Variants in DAB1 observed in about 807,000 individuals in gnomAD.
DAB1 encodes the protein disabled homolog 1.
DAB1 carries 15 observed loss-of-function variants against 64.6 expected under a neutral mutation model. The observed-to-expected ratio is 0.23, with a 90% CI of 0.16 to 0.36. The LOEUF is 0.36. Ranked by LOEUF, DAB1 falls within the 10% of genes least tolerant of loss-of-function variation. DAB1 has a pLI of 1.00. For missense variants in DAB1, 596 were observed against 706.7 expected, an observed-to-expected ratio of 0.84 and a Z score of 1.78; for synonymous variants, 235 against 251.9, an observed-to-expected ratio of 0.93 and a Z score of 0.64.
rs937361517 is a variant in DAB1 at position 57,054,457 on chromosome 1, A to G, written c.723+8427T>C. Among the ~76,000 whole-genome samples, 54 of 128,440 alleles carry G rather than the reference A, an allele frequency of 4.2e-4. 1 individual carries two copies. The highest frequency in any genetic ancestry group is 6.9e-4 in the Non-Finnish European group (43 of 61,948). 84.3% of individuals were successfully genotyped at this position (128,440 alleles called of 152,430 possible). ...ACGCTTAGCAGACACCTTCCTCTCCACTCAGGAATGTGCTTTTTTTTTTTT... is the reference window on the plus strand; with the variant it reads ...ACGCTTAGCAGACACCTTCCTCTCCGCTCAGGAATGTGCTTTTTTTTTTTT... On this transcript the variant is annotated intron_variant, in intron 9 of 14. Coordinates refer to ENST00000371236, the MANE Select transcript of DAB1 (RefSeq NM_001365792.1).
At chr1:57,909,604 C>G (rs931407936) in intron 5 of DAB1, among the ~76,000 whole-genome samples, 38 of 152,210 alleles carry the variant, frequency 2.5e-4, no homozygotes, top group African/African-American at 8.9e-4. Context: ...TTGCCCATTA[C>G]AGCTATCTAC....
In DAB1 at chr1:57,766,859, C is replaced by G. The variant is rs540494815; in HGVS notation, n.551+117140G>C. 2.3e-5 allele frequency among the ~76,000 whole-genome samples: 3 copies of G among 132,060 alleles called. No individual in the cohort carries two copies. The South Asian group carries it at 7.2e-4, about 32-fold the overall frequency. The allele number at this position is 132,060 out of a possible 152,430, so 86.6% of individuals were successfully genotyped here. A position where few individuals can be genotyped will look rare whatever the true frequency, so the allele number is the denominator to read the frequency against. ...ACAAATCAAGAGTTCCCACGACCCC[C>G]TTTTCAGGTTCAATAATTTGCTAGA... is the stretch of plus-strand genomic sequence containing the variant. On this transcript the variant is annotated intron_variant and non_coding_transcript_variant, in intron 6 of 20. Coordinates refer to the DAB1 transcript ENST00000485760.
intron 5 of DAB1, among the ~76,000 whole-genome samples, chr1:58,038,630 C>A (rs1046914102): frequency 6.6e-6 from 1 of 151,118 alleles, no homozygotes; most frequent in South Asian, 2.1e-4. Context: ...GAGACCTGCC[C>A]TGATGGGGTG....
chr1:58,147,864 G>A (rs1050496743), intron 5 of DAB1, among the ~76,000 whole-genome samples: 2 of 150,186 alleles, frequency 1.3e-5, no homozygotes, highest in Non-Finnish European at 2.9e-5. Context: ...GAAGATTGGA[G>A]ATATTAAATT....
chr1:58,312,811 T>C (rs1176100794), intron 4 of DAB1, among the ~76,000 whole-genome samples: 1 of 152,180 alleles, frequency 6.6e-6, no homozygotes, highest in Non-Finnish European at 1.5e-5. Flanking sequence ...GGCAAGTTAC[T>C]TGACCTACCT....
intron 3 of DAB1, among the ~76,000 whole-genome samples, chr1:58,381,188 T>G (rs1644385228): frequency 6.6e-6 from 1 of 152,074 alleles, no homozygotes; most frequent in Non-Finnish European, 1.5e-5. Flanking sequence ...GAATAGCTAA[T>G]GAATGTTGGG....
chr1:57,008,584 CA>C (rs1374639239), intron 14 of DAB1, among the ~76,000 whole-genome samples: 2 of 152,118 alleles, frequency 1.3e-5, no homozygotes, highest in Non-Finnish European at 2.9e-5. Context: ...CCTTATTTTT[CA>C]AATGAAGAAA....
At chr1:58,225,049 T>C (rs1383585183) in intron 4 of DAB1, among the ~76,000 whole-genome samples, 6 of 152,258 alleles carry the variant, frequency 3.9e-5, no homozygotes, top group South Asian at 4.2e-4. Context: ...AGAAAATTTT[T>C]GCAATCTACT....
intron 3 of DAB1, among the ~76,000 whole-genome samples, chr1:58,492,309 GC>G (rs1645710487): frequency 1.3e-5 from 2 of 152,078 alleles, no homozygotes; most frequent in Non-Finnish European, 2.9e-5. Flanking sequence ...ACAAAAGAAA[GC>G]AGGAAAGATC....
chr1:57,701,687 G>GTAT (rs1646910025), intron 6 of DAB1, among the ~76,000 whole-genome samples: 1 of 151,016 alleles, frequency 6.6e-6, no homozygotes, highest in South Asian at 2.1e-4. Context: ...AAAACTTAAA[G>GTAT]TATAATAATA....
At position 57,010,720 on chromosome 1, in the gene DAB1, T is replaced by C; in HGVS notation, c.1643A>G (p.Asn548Ser). The change falls in exon 14 of 15, where the codon AAT becomes AGT. Residue 548 changes from asparagine (N) to serine (S), a missense_variant. By Grantham distance (46) the Asn-to-Ser change is conservative. Coordinates refer to ENST00000371236, the MANE Select transcript of DAB1 (RefSeq NM_001365792.1). ...CTAGCTACCGGCCTGTGGACTTATATTATCACCACTGGGCTCCCCACTGGG... is the reference window on the plus strand; with the variant it reads ...CTAGCTACCGGCCTGTGGACTTATACTATCACCACTGGGCTCCCCACTGGG... ...GEPSGEPSGD[N>S]ISPQAGS The C allele has an allele frequency of 6.3e-7, 1 of 1,590,766 alleles. No homozygotes were observed. The highest frequency in any genetic ancestry group is 8.6e-7 in the Non-Finnish European group (1 of 1,165,656).
At chr1:57,960,020 C>T (rs1645480095) in intron 5 of DAB1, among the ~76,000 whole-genome samples, 3 of 152,172 alleles carry the variant, frequency 2.0e-5, no homozygotes, top group South Asian at 2.1e-4. Flanking sequence ...GCTGGCATAC[C>T]TTATGCAGCA....
At chr1:58,425,234 T>C (rs1246927507) in intron 3 of DAB1, among the ~76,000 whole-genome samples, 1 of 152,212 alleles carries the variant, frequency 6.6e-6, no homozygotes, top group Non-Finnish European at 1.5e-5. Flanking sequence ...TTCTTTTTTA[T>C]AAAAGTTGTG....
intron 5 of DAB1, among the ~76,000 whole-genome samples, chr1:58,134,436 G>C (rs1202072343): frequency 6.6e-6 from 1 of 151,894 alleles, no homozygotes; most frequent in African/African-American, 2.4e-5. Context: ...TCACCTTGGG[G>C]TTTCAGTTCC....
At chr1:57,186,066 C>G (rs1663525413) in intron 2 of DAB1, among the ~76,000 whole-genome samples, 1 of 152,128 alleles carries the variant, frequency 6.6e-6, no homozygotes, top group Admixed American at 6.6e-5. Flanking sequence ...CCACCTGGGA[C>G]CACTCAGACC....
intron 2 of DAB1, among the ~76,000 whole-genome samples, chr1:57,229,260 C>G (rs1447450086): frequency 6.7e-6 from 1 of 148,716 alleles, no homozygotes; most frequent in Non-Finnish European, 1.5e-5. Flanking sequence ...ATGATATGAT[C>G]GTGGCTCACT....
chr1:58,147,803 C>G (rs561856603), intron 5 of DAB1, among the ~76,000 whole-genome samples: 1 of 151,982 alleles, frequency 6.6e-6, no homozygotes, highest in Non-Finnish European at 1.5e-5. Flanking sequence ...ACAGTATAAA[C>G]CTGCAGGAAG....
intron 2 of DAB1, among the ~76,000 whole-genome samples, chr1:57,193,404 T>TTTTTTTA (rs3042177): frequency 6.9e-6 from 1 of 144,768 alleles, no homozygotes; most frequent in African/African-American, 2.6e-5. Context: ...TTTTTTTTTT[T>TTTTTTTA]GAGACAGAGT....
At chr1:58,343,243 A>AGATGGATGGATGGATGGATGGATG (rs144281159) in intron 4 of DAB1, 3 of 147,236 alleles carry the variant, frequency 2.0e-5, no homozygotes, top group African/African-American at 7.6e-5. Context: ...TGGAACATAT[A>AGATGGATGGATGGATGGATGGATG]GATGGATGGA....
Sources: gnomAD v4.1 joint callset for allele counts (sites outside exome capture counted in the v4.1 genomes callset) on GRCh38, gnomAD v4.1.1 for gene constraint, MANE v1.5 for transcripts, NCBI Gene and HGNC (gene_info 2026-07-23, HGNC 2026-07-21) for gene names.